The following ULK4 variants were observed in gnomAD, a reference collection of about 807,000 sequenced individuals.
ULK4 encodes the protein inactive serine/threonine-protein kinase ULK4.
Under a neutral mutation model 160.6 loss-of-function variants are expected in ULK4, and 133 were observed. That is an observed-to-expected ratio of 0.83 (90% CI 0.72 to 0.96). The LOEUF (loss-of-function observed/expected upper bound fraction) is 0.96. Among genes scored for constraint, ULK4 ranks in the 40% least tolerant of loss-of-function variants. ULK4 has a pLI of 0.00. For synonymous variants in ULK4, 534 were observed against 539.8 expected, an observed-to-expected ratio of 0.99 and a Z score of 0.15; for missense variants, 1,580 against 1,499.5, an observed-to-expected ratio of 1.05 and a Z score of -0.89.
intron 35 of ULK4, among the ~76,000 whole-genome samples, chr3:41,252,673 T>C (rs577375056): frequency 4.5e-4 from 65 of 145,398 alleles, no homozygotes; most frequent in Middle Eastern, 7.2e-3. Flanking sequence ...TATGAGACAA[T>C]AGCAATAAGT....
intron 32 of ULK4, among the ~76,000 whole-genome samples, chr3:41,490,776 G>C (rs1189625849): frequency 1.3e-5 from 2 of 152,136 alleles, no homozygotes; most frequent in Non-Finnish European, 2.9e-5. Context: ...CTTTTTGAAT[G>C]AATCAATCAA....
chr3:41,296,156 T>C (rs373226311), intron 35 of ULK4, among the ~76,000 whole-genome samples: 16 of 152,320 alleles, frequency 1.1e-4, no homozygotes, highest in Admixed American at 9.8e-4. Flanking sequence ...CTGTGACAAA[T>C]ATACTGCCTG....
chr3:41,601,071 G>A (rs558804142), intron 31 of ULK4, among the ~76,000 whole-genome samples: 1 of 152,214 alleles, frequency 6.6e-6, no homozygotes, highest in South Asian at 2.1e-4. Flanking sequence ...AAAATCAGTA[G>A]AACTGATAAA....
chr3:41,495,588 T>G (rs557726845), intron 32 of ULK4, among the ~76,000 whole-genome samples: 171 of 150,400 alleles, frequency 1.1e-3, no homozygotes, highest in African/African-American at 3.8e-3. Context: ...GGGATCTAAT[T>G]GAACTAAAGA....
chr3:41,445,900 T>C (rs1163938149), intron 34 of ULK4, among the ~76,000 whole-genome samples: 1 of 152,024 alleles, frequency 6.6e-6, no homozygotes, highest in Non-Finnish European at 1.5e-5. Context: ...AAAGAGCTTC[T>C]GCACAGCAAA....
At chr3:41,961,550 A>ACCCCCCCTCCC (rs1700669869) in intron 1 of ULK4, among the ~76,000 whole-genome samples, 3 of 124,686 alleles carry the variant, frequency 2.4e-5, no homozygotes, top group East Asian at 2.1e-4. Flanking sequence ...GTAGTCACTC[A>ACCCCCCCTCCC]CCCCCCCCCC....
intron 17 of ULK4, among the ~76,000 whole-genome samples, chr3:41,852,791 T>C (rs901970327): frequency 3.3e-5 from 5 of 152,088 alleles, no homozygotes; most frequent in African/African-American, 7.2e-5. Flanking sequence ...CTCCTGCCCA[T>C]AGTGTAGTAT....
chr3:41,281,182 T>C (rs1398894376), intron 35 of ULK4, among the ~76,000 whole-genome samples: 1 of 151,972 alleles, frequency 6.6e-6, no homozygotes, highest in Non-Finnish European at 1.5e-5. Flanking sequence ...CCAAAGAAAG[T>C]CCAGGACCAG....
At chr3:41,604,047 G>C (rs1487967670) in intron 31 of ULK4, among the ~76,000 whole-genome samples, 1 of 151,994 alleles carries the variant, frequency 6.6e-6, no homozygotes, top group Non-Finnish European at 1.5e-5. Context: ...AGATGAAATA[G>C]AGAAGAAAGG....
intron 29 of ULK4, among the ~76,000 whole-genome samples, chr3:41,674,889 C>G (rs928286197): frequency 6.6e-6 from 1 of 152,150 alleles, no homozygotes; most frequent in Non-Finnish European, 1.5e-5. Flanking sequence ...AATTGCCCCC[C>G]AAAAGGTATG....
At chr3:41,732,911 T>C (rs553869620) in intron 22 of ULK4, among the ~76,000 whole-genome samples, 134 of 152,080 alleles carry the variant, frequency 8.8e-4, no homozygotes, top group Non-Finnish European at 1.2e-3. Context: ...GCTGATCTAA[T>C]AGAAATAGAG....
intron 29 of ULK4, among the ~76,000 whole-genome samples, chr3:41,678,705 A>G (rs907139789): frequency 1.3e-5 from 2 of 152,236 alleles, no homozygotes; most frequent in Non-Finnish European, 2.9e-5. Flanking sequence ...CCCTGTGCGA[A>G]GTGGGGAGCC....
intron 32 of ULK4, among the ~76,000 whole-genome samples, chr3:41,545,190 AG>A (rs398038744): frequency 6.6e-6 from 1 of 151,878 alleles, no homozygotes; most frequent in African/African-American, 2.4e-5. Context: ...AACAAAAAAA[AG>A]GTATTCTTTC....
intron 31 of ULK4, among the ~76,000 whole-genome samples, chr3:41,612,242 C>A (rs1328747121): frequency 1.3e-5 from 2 of 152,138 alleles, no homozygotes; most frequent in African/African-American, 4.8e-5. Flanking sequence ...ATTGAGTACA[C>A]TGACCTAGCC....
At chr3:41,826,802 A>G (rs1273191514) in intron 18 of ULK4, among the ~76,000 whole-genome samples, 2 of 145,906 alleles carry the variant, frequency 1.4e-5, no homozygotes, top group South Asian at 4.3e-4. Flanking sequence ...CTATGCACCA[A>G]GCGGACCTAA....
intron 35 of ULK4, among the ~76,000 whole-genome samples, chr3:41,336,499 C>T (rs898131531): frequency 6.6e-6 from 1 of 152,190 alleles, no homozygotes; most frequent in Non-Finnish European, 1.5e-5. Flanking sequence ...TACTTCTCCT[C>T]ACTGACTCTA....
intron 32 of ULK4, among the ~76,000 whole-genome samples, chr3:41,480,206 CAAAAAAAAAAAA>C (rs60805184): frequency 3.1e-5 from 3 of 97,184 alleles, no homozygotes; most frequent in African/African-American, 7.5e-5. Context: ...GACTCCGTAT[CAAAAAAAAAAAA>C]AAAAAAAAAA....
At chr3:41,721,252 TGAA>T (rs760152995) in intron 22 of ULK4, among the ~76,000 whole-genome samples, 10,760 of 109,472 alleles carry the variant, frequency 0.098, 1,416 homozygotes, top group Middle Eastern at 0.14. Context: ...TTTTTCGCTT[TGAA>T]TTTTTTTTTT....
intron 31 of ULK4, among the ~76,000 whole-genome samples, chr3:41,566,725 C>T (rs1465069136): frequency 2.0e-5 from 3 of 152,184 alleles, no homozygotes; most frequent in Non-Finnish European, 2.9e-5. Context: ...ATTTTAAAGG[C>T]AGAATCATTT....
Sources: allele counts gnomAD v4.1 joint callset (sites outside exome capture counted in the v4.1 genomes callset), GRCh38; gene constraint gnomAD v4.1.1; transcripts MANE v1.5; gene names NCBI Gene and HGNC (gene_info 2026-07-23, HGNC 2026-07-21).